Variants in ANK2 observed in about 807,000 individuals in gnomAD.
The protein encoded by ANK2 is ankyrin-2.
In ANK2, 83 loss-of-function variants were observed where a neutral mutation model predicts 360.5. The ratio of observed to expected loss-of-function variants is 0.23; its 90% CI spans 0.19 to 0.28. The LOEUF (loss-of-function observed/expected upper bound fraction) is 0.28. ANK2 is among the 10% of genes least tolerant of loss of function. The probability of loss-of-function intolerance (pLI) is 1.00; values close to 1 mark genes in which losing one functional copy is unlikely to be tolerated. For synonymous variants in ANK2, 1,740 were observed against 1,759.5 expected (o/e 0.99, Z 0.28); for missense variants, 4,201 against 4,795.7 (o/e 0.88, Z 3.66).
In ANK2 at chr4:112,916,810, A is replaced by T. The variant is rs183044019; in HGVS notation, c.21+12296A>T. On this transcript the variant is annotated intron_variant, in intron 2 of 30. Transcript: ENST00000503271. Reference sequence around the variant, plus strand: ...ATAATAGCATCAGGATTTTCTATTCAATGTATTTTAATAAGCAATTTAATG... The same window carrying T: ...ATAATAGCATCAGGATTTTCTATTCTATGTATTTTAATAAGCAATTTAATG... Among the ~76,000 whole-genome samples, 7 of 152,318 alleles carry T rather than the reference A, an allele frequency of 4.6e-5. No individual in the cohort carries two copies. In the East Asian group the frequency reaches 1.4e-3, roughly 29 times the overall value.
chr4:112,862,957 A>C (rs551138583), intron 1 of ANK2, among the ~76,000 whole-genome samples: 1 of 152,310 alleles, frequency 6.6e-6, no homozygotes, highest in Non-Finnish European at 1.5e-5. Flanking sequence ...TTTTCCTATA[A>C]ATGCAGTCTT....
intron 1 of ANK2, among the ~76,000 whole-genome samples, chr4:113,103,109 A>T (rs1002427246): frequency 8.5e-5 from 13 of 152,310 alleles, no homozygotes; most frequent in African/African-American, 3.1e-4. Context: ...TATCTGTTTC[A>T]TCATGCTCAA....
chr4:112,949,698 A>G (rs2094803976), intron 2 of ANK2, among the ~76,000 whole-genome samples: 1 of 152,214 alleles, frequency 6.6e-6, no homozygotes. Context: ...AAATGACAAA[A>G]CTGCTAGTAA....
chr4:113,316,302 A>G (rs1001037082), intron 24 of ANK2, among the ~76,000 whole-genome samples: 1 of 152,188 alleles, frequency 6.6e-6, no homozygotes, highest in African/African-American at 2.4e-5. Flanking sequence ...CTTTTTATTC[A>G]TGTCATTTAC....
At chr4:112,761,598 C>A in the ANK2 span, among the ~76,000 whole-genome samples, 35 of 151,580 alleles carry the variant, frequency 2.3e-4, no homozygotes, top group Non-Finnish European at 3.2e-4. Flanking sequence ...CCAGCCTGGG[C>A]AACACAGTGA....
At position 113,356,988 on chromosome 4, in the gene ANK2, T is replaced by G. The variant is rs750874445; in HGVS notation, c.8370T>G (p.Ser2790=). 8 of 1,614,086 alleles carry G rather than the reference T, an allele frequency of 5.0e-6. No homozygotes were observed. Among genetic ancestry groups the G allele is most frequent in the Non-Finnish European group, 6.8e-6 (8 of 1,179,972 alleles). The part of the protein sequence containing the change: ...MSPSSSAAPV[S]SGLQSPTGDD... ...CTAGCAGCTCAGCTGCTCCTGTCTCTTCAGGTCTACAGAGTCCGACTGGTG... is the reference window on the plus strand; with the variant it reads ...CTAGCAGCTCAGCTGCTCCTGTCTCGTCAGGTCTACAGAGTCCGACTGGTG... The change falls in exon 38 of 46, where the codon TCT becomes TCG. Residue 2790 remains serine, a synonymous_variant. Coordinates refer to ENST00000357077, the MANE Select transcript of ANK2 (RefSeq NM_001148.6).
At chr4:113,136,332 T>A (rs1409945108) in intron 1 of ANK2, among the ~76,000 whole-genome samples, 2 of 151,980 alleles carry the variant, frequency 1.3e-5, no homozygotes, top group African/African-American at 4.8e-5. Flanking sequence ...AGGGAGGTGA[T>A]CCAGGGGAAT....
In ANK2 at chr4:113,081,823, T is replaced by G. The variant is rs540485974; in HGVS notation, c.84+32011T>G. Reference sequence around the variant, plus strand: ...CATGAAAACACGTATTTTTTTTTTTTTTTGAGATGGAGTTTTGCGCTTGTC... The same window carrying G: ...CATGAAAACACGTATTTTTTTTTTTGTTTGAGATGGAGTTTTGCGCTTGTC... On this transcript the variant is annotated intron_variant, in intron 1 of 45. Transcript: ENST00000357077. Among the ~76,000 whole-genome samples the G allele has an allele frequency of 2.8e-3, 423 of 152,198 alleles. 4 individuals carry two copies. Among genetic ancestry groups the G allele is most frequent in the African/African-American group, 9.1e-3 (379 of 41,548 alleles).
intron 1 of ANK2, among the ~76,000 whole-genome samples, chr4:113,170,647 G>A (rs2097911862): frequency 6.6e-6 from 1 of 152,124 alleles, no homozygotes; most frequent in Admixed American, 6.5e-5. Context: ...TGCCCCTAGA[G>A]CCTTTGGGTC....
chr4:112,826,340 T>C, intron 1 of ANK2: 2 of 910,458 alleles, frequency 2.2e-6, no homozygotes, highest in South Asian at 1.6e-5. Flanking sequence ...TTGTGACATC[T>C]GTACCAAACA....
the ANK2 span, among the ~76,000 whole-genome samples, chr4:112,780,949 A>ACC: frequency 6.6e-6 from 1 of 152,206 alleles, no homozygotes; most frequent in Non-Finnish European, 1.5e-5. Flanking sequence ...TACTTTAATG[A>ACC]CCATAAGTTG....
Position 113,288,391 on chromosome 4 carries a change from G to C in ANK2, c.2182G>C (p.Gly728Arg). ...AACTTTTTATTATTATTTACAGCTT[G>C]GTTACACACCTTTAATTGTGGCCTG... ...GADQDAHTKL[G>R]YTPLIVACHY... Residue 728 changes from glycine (G) to arginine (R), a missense_variant, in exon 20 of 46, where the codon GGT becomes CGT. By Grantham distance (125) the Gly-to-Arg change is moderately radical. This residue lies in a region of ANK2 where 1,268 missense variants were observed against 1,650.8 expected (regional missense o/e 0.77). Coordinates refer to ENST00000357077, the MANE Select transcript of ANK2 (RefSeq NM_001148.6). 1 of 1,612,496 alleles carries C rather than the reference G, an allele frequency of 6.2e-7. No individual in the cohort carries two copies. Among genetic ancestry groups the C allele is most frequent in the Non-Finnish European group, 8.5e-7 (1 of 1,178,824 alleles).
At chr4:112,771,693 C>T in the ANK2 span, among the ~76,000 whole-genome samples, 3 of 151,758 alleles carry the variant, frequency 2.0e-5, no homozygotes, top group African/African-American at 4.8e-5. Flanking sequence ...TCACGCCATT[C>T]TCTTGCCTCA....
At chr4:113,222,244 G>A (rs1170038025) in intron 4 of ANK2, among the ~76,000 whole-genome samples, 1 of 152,136 alleles carries the variant, frequency 6.6e-6, no homozygotes, top group Non-Finnish European at 1.5e-5. Context: ...GAAAACATTT[G>A]AACATTCTTC....
At chr4:113,282,476 G>A (rs527855674) in intron 17 of ANK2, among the ~76,000 whole-genome samples, 199 bp from the exon 18 acceptor site, 2 of 152,186 alleles carry the variant, frequency 1.3e-5, no homozygotes, top group Non-Finnish European at 2.9e-5. Flanking sequence ...TCTTACAGTA[G>A]AATGGGGTGC....
chr4:113,111,007 G>A (rs969642941), intron 1 of ANK2, among the ~76,000 whole-genome samples: 3 of 152,064 alleles, frequency 2.0e-5, no homozygotes, highest in African/African-American at 7.2e-5. Context: ...CAAGCATACT[G>A]AATTCATGGT....
At chr4:113,048,050 A>G (rs962403616), upstream of ANK2, among the ~76,000 whole-genome samples, 8 of 151,634 alleles carry the variant, frequency 5.3e-5, no homozygotes, top group Non-Finnish European at 8.8e-5. Flanking sequence ...ATAGCAACAC[A>G]TTTACATAGG....
chr4:113,369,000 G>C (rs776668015), intron 42 of ANK2, among the ~76,000 whole-genome samples: 49 of 152,110 alleles, frequency 3.2e-4, no homozygotes, highest in Non-Finnish European at 5.3e-4. Context: ...AATGAAAAAA[G>C]TTTCCATGTC....
intron 2 of ANK2, among the ~76,000 whole-genome samples, chr4:112,964,983 T>C (rs1224149123): frequency 6.6e-6 from 1 of 152,238 alleles, no homozygotes. Context: ...ATCTCTTCAA[T>C]ACACTGATTT....
Sources: gnomAD v4.1 joint callset for allele counts (sites outside exome capture counted in the v4.1 genomes callset) on GRCh38, gnomAD v4.1.1 for gene constraint, gnomAD v4.1.1 regional missense constraint, MANE v1.5 for transcripts, NCBI Gene and HGNC (gene_info 2026-07-23, HGNC 2026-07-21) for gene names.